RTEL1: variants seen among roughly 807,000 people sequenced by gnomAD.
RTEL1 encodes regulator of telomere length.
RTEL1 carries 86 observed loss-of-function variants against 162.2 expected under a neutral mutation model. The observed-to-expected ratio is 0.53, with a 90% CI of 0.45 to 0.63. The LOEUF (loss-of-function observed/expected upper bound fraction) is 0.63, where lower values mean the gene tolerates loss of function less well. Among genes scored for constraint, RTEL1 ranks in the 30% least tolerant of loss-of-function variants. The pLI, the probability that RTEL1 is intolerant of heterozygous loss-of-function variation, is 0.00. For synonymous variants in RTEL1, 958 were observed against 717.9 expected (o/e 1.33, Z -5.35); for missense variants, 1,941 against 1,750.2 (o/e 1.11, Z -1.95).
intron 21 of RTEL1, 40 bp from the exon 22 acceptor site, chr20:63,689,015 G>GC (rs768249679): frequency 1.9e-6 from 3 of 1,567,044 alleles, no homozygotes; most frequent in African/African-American, 1.4e-5. Context: ...AAGGGGCTGG[G>GC]GGGGGGCTCC....
In RTEL1 at chr20:63,696,201, T is replaced by C. The variant is rs907757184; in HGVS notation, c.*343T>C. 5 of 411,170 alleles carry C rather than the reference T, an allele frequency of 1.2e-5. No individual in the cohort carries two copies. The highest frequency in any genetic ancestry group is 1.8e-5 in the Non-Finnish European group (4 of 226,700). 25.5% of individuals were successfully genotyped at this position (411,170 alleles called of 1,614,324 possible). A position where few individuals can be genotyped will look rare whatever the true frequency, so the allele number is the denominator to read the frequency against. The stretch of plus-strand genomic sequence containing the variant: ...ACCCCCGTGGGCACGTGTCCACTTT[T>C]AATCAGGGGACAGGGCTCTCTAATA... On this transcript the variant is annotated 3_prime_UTR_variant, in exon 35 of 35. Coordinates refer to ENST00000360203, the MANE Select transcript of RTEL1 (RefSeq NM_001283009.2).
At position 63,673,945 on chromosome 20, in the gene RTEL1, G is replaced by C. The variant is rs1036504358; in HGVS notation, c.771G>C (p.Lys257Asn). The change falls in exon 10 of 35, where the codon AAG becomes AAC. Residue 257 changes from lysine to asparagine, a missense_variant. Physicochemically the swap from Lys to Asn is moderately conservative, Grantham distance 94 (BLOSUM62 0). Transcript: ENST00000360203. ...VIFDEAHNVE[K>N]MCEESASFDL... ...CGGGTGTGCTTGGGCTCTAGGAGAA[G>C]ATGTGTGAAGAATCGGCATCCTTTG... 6 of 1,611,212 alleles carry C rather than the reference G, an allele frequency of 3.7e-6. No individual in the cohort carries two copies. In the African/African-American group the frequency reaches 8.0e-5, roughly 22 times the overall value.
Position 63,661,963 on chromosome 20 carries a change from A to G in RTEL1, c.395+20A>G. ...CTACCGGTGGGTCAGACGAGTTTAC[A>G]CCTGTCTCGGGGTCCTCAAGAGAAC... On this transcript the variant is annotated intron_variant, in intron 4 of 34. Transcript: ENST00000360203. This position sits in a 1 kb window ranked among gnomAD's most constrained non-coding sequence, Gnocchi z 5.1. 6.3e-7 allele frequency: 1 copy of G among 1,592,410 alleles called. No individual in the cohort carries two copies. Among genetic ancestry groups the G allele is most frequent in the East Asian group, 2.2e-5 (1 of 44,692 alleles).
chr20:63,694,692 T>C (rs764531974), intron 31 of RTEL1, 49 bp from the exon 32 acceptor site: 29 of 1,477,958 alleles, frequency 2.0e-5, no homozygotes, highest in African/African-American at 2.8e-5. Flanking sequence ...GGTGGGACTC[T>C]CAGTCCTCCA....
chr20:63,659,066 G>A (rs574258926), intron 1 of RTEL1, among the ~76,000 whole-genome samples, 167 bp from the exon 2 acceptor site: 21 of 152,350 alleles, frequency 1.4e-4, no homozygotes, highest in Non-Finnish European at 2.5e-4. Flanking sequence ...GGGAGGATAA[G>A]GCAAGGCCCA....
At chr20:63,670,851 G>A (rs1232863567) in intron 8 of RTEL1, among the ~76,000 whole-genome samples, 1 of 151,888 alleles carries the variant, frequency 6.6e-6, no homozygotes, top group African/African-American at 2.4e-5. Context: ...AAAGACTTCA[G>A]TGTGCAGGTT....
At chr20:63,662,785 T>C in intron 5 of RTEL1, 44 bp from the exon 6 acceptor site, 1 of 1,611,798 alleles carries the variant, frequency 6.2e-7, no homozygotes, top group Non-Finnish European at 8.5e-7. Flanking sequence ...TTCGGTCCTT[T>C]CTTGGCCGTG....
chr20:63,678,705 T>C (rs1251260357), intron 12 of RTEL1, among the ~76,000 whole-genome samples: 131 of 31,892 alleles, frequency 4.1e-3, no homozygotes, highest in African/African-American at 4.9e-3. Flanking sequence ...GCACACACAC[T>C]CCCACGGAAC....
At chr20:63,671,268 C>T (rs896077493) in intron 8 of RTEL1, among the ~76,000 whole-genome samples, 2 of 151,622 alleles carry the variant, frequency 1.3e-5, no homozygotes, top group Non-Finnish European at 2.9e-5. Context: ...GCCATGTTGG[C>T]CAGGCTGGTC....
chr20:63,657,849 T>A (rs1164674090), upstream of RTEL1: 1 of 152,254 alleles, frequency 6.6e-6, no homozygotes, highest in Non-Finnish European at 1.5e-5. Flanking sequence ...TGCTGGGGAC[T>A]CAGGGAGGCC....
chr20:63,689,477 G>A, intron 22 of RTEL1, 25 bp from the exon 23 acceptor site: 1 of 1,532,896 alleles, frequency 6.5e-7, no homozygotes, highest in Non-Finnish European at 8.8e-7. Flanking sequence ...CACGGCCCCA[G>A]GCAGCTCCCT....
In RTEL1 at chr20:63,661,765, C is replaced by A; in HGVS notation, c.302-85C>A. 8.1e-7 allele frequency: 1 copy of A among 1,230,014 alleles called. No individual in the cohort carries two copies. The highest frequency in any genetic ancestry group is 1.2e-6 in the Non-Finnish European group (1 of 834,836). 76.2% of individuals were successfully genotyped at this position (1,230,014 alleles called of 1,614,324 possible). A position where few individuals can be genotyped will look rare whatever the true frequency, so the allele number is the denominator to read the frequency against. On this transcript the variant is annotated intron_variant, in intron 3 of 34. Transcript: ENST00000360203. This position sits in a 1 kb window ranked among gnomAD's most constrained non-coding sequence, Gnocchi z 5.1. ...TCAGATTCTTGGCTGTCTGCAGGGC[C>A]GAGTTAGCCGAATGCCACCTGCCTT...
At chr20:63,678,046 T>C in intron 10 of RTEL1, 99 bp from the exon 11 acceptor site, 1 of 1,359,904 alleles carries the variant, frequency 7.4e-7, no homozygotes, top group Non-Finnish European at 1.0e-6. Context: ...CTTTCCATGT[T>C]GGTGTCCTTT....
At chr20:63,664,165 C>G (rs1175557795) in intron 6 of RTEL1, among the ~76,000 whole-genome samples, 1 of 152,140 alleles carries the variant, frequency 6.6e-6, no homozygotes, top group Non-Finnish European at 1.5e-5. Context: ...CAGGAGCTGC[C>G]GGCTCGTCCC....
rs767735975 is a variant in RTEL1, at chr20:63,694,384, C to A, written c.3005C>A (p.Pro1002Gln). The A allele has an allele frequency of 1.1e-5, 18 of 1,612,178 alleles. No individual in the cohort carries two copies. The highest frequency in any genetic ancestry group is 1.4e-5 in the Non-Finnish European group (17 of 1,179,602). ...ATCTCTTCATCAGGAAGAACGGCGC[C>A]GGATCCCAAGCTGACCGTGTCCACG... ...PVLDPTGRTA[P>Q]DPKLTVSTAA... Residue 1002 changes from proline to glutamine, a missense_variant, in exon 31 of 35, where the codon CCG (proline) becomes CAG (glutamine). Pro to Gln is a moderately conservative substitution (Grantham distance 76). Transcript: ENST00000360203.
intron 8 of RTEL1, among the ~76,000 whole-genome samples, chr20:63,672,340 T>A (rs2090260610): frequency 6.6e-6 from 1 of 152,196 alleles, no homozygotes; most frequent in Non-Finnish European, 1.5e-5. Flanking sequence ...CACGTGCCTT[T>A]CCATGCTGTG....
chr20:63,678,827 ACCCACGGAACGGCACACACT>A (rs1423755416), intron 12 of RTEL1, among the ~76,000 whole-genome samples: 3,798 of 76,700 alleles, frequency 0.05, 456 homozygotes, highest in African/African-American at 0.19. Flanking sequence ...CAGCACACAC[ACCCACGGAACGGCACACACT>A]CCCACGGAAC....
At chr20:63,691,014 A>G in intron 27 of RTEL1, 67 bp downstream of exon 27, 2 of 1,458,102 alleles carry the variant, frequency 1.4e-6, no homozygotes, top group Non-Finnish European at 1.8e-6. Context: ...GACCCCGCCC[A>G]TCTGGCCTCA....
At chr20:63,677,768 C>G (rs2090386773) in intron 10 of RTEL1, among the ~76,000 whole-genome samples, 1 of 136,456 alleles carries the variant, frequency 7.3e-6, no homozygotes, top group African/African-American at 2.8e-5. Context: ...ATTTGGCCTG[C>G]ACGGATTCTG....
Sources: gnomAD v4.1 joint callset for allele counts (sites outside exome capture counted in the v4.1 genomes callset) on GRCh38, gnomAD v4.1.1 for gene constraint, Gnocchi (gnomAD v3.1) non-coding constraint, MANE v1.5 for transcripts, NCBI Gene and HGNC (gene_info 2026-07-23, HGNC 2026-07-21) for gene names.